Variants in ANK3 observed in about 807,000 individuals in gnomAD.
ANK3 encodes ankyrin-3.
In ANK3, 57 loss-of-function variants were observed where a neutral mutation model predicts 370.9. The observed-to-expected ratio is 0.15, with a 90% CI of 0.12 to 0.19. The LOEUF (loss-of-function observed/expected upper bound fraction) is 0.19, where lower values mean the gene tolerates loss of function less well. Among genes scored for constraint, ANK3 ranks in the 10% least tolerant of loss-of-function variants. The pLI is 1.00. For synonymous variants in ANK3, 1,929 were observed against 1,946.3 expected (o/e 0.99, Z 0.23); for missense variants, 4,439 against 5,302.1 (o/e 0.84, Z 5.06).
intron 28 of ANK3, among the ~76,000 whole-genome samples, chr10:60,089,816 T>C (rs558161612): frequency 6.6e-6 from 1 of 152,156 alleles, no homozygotes; most frequent in East Asian, 1.9e-4. Flanking sequence ...TGAATATATA[T>C]AAATCCACAT....
At chr10:60,294,160 T>G (rs189927593) in intron 1 of ANK3, among the ~76,000 whole-genome samples, 53 of 137,282 alleles carry the variant, frequency 3.9e-4, no homozygotes, top group Admixed American at 6.5e-4. Context: ...TTCCCAACAG[T>G]TTTTTTTTTA....
intron 2 of ANK3, among the ~76,000 whole-genome samples, chr10:60,423,692 A>G (rs1037393630): frequency 6.6e-6 from 1 of 152,038 alleles, no homozygotes; most frequent in Admixed American, 6.6e-5. Flanking sequence ...CTTAAATAAG[A>G]GCAAGTTGGT....
rs2079026322 is a variant in ANK3, at chr10:60,668,476, A to G, written c.58-53252T>C. 1.3e-5 allele frequency among the ~76,000 whole-genome samples: 2 copies of G among 152,030 alleles called. 1 individual carries two copies. The highest frequency in any genetic ancestry group is 4.8e-5 in the African/African-American group (2 of 41,302). ...GCTTTACAATATAAAGATCTGGCAG[A>G]CTGTTTTCACATCATTGGCATCGGG... On this transcript the variant is annotated intron_variant, in intron 1 of 43. Coordinates refer to the ANK3 transcript ENST00000373827.
At position 60,172,384 on chromosome 10, in the gene ANK3, C is replaced by G. The variant is rs540732328; in HGVS notation, c.2402G>C (p.Gly801Ala). Residue 801 changes from glycine to alanine, a missense_variant, in exon 21 of 44, where the codon GGC becomes GCC. Physicochemically the swap from Gly to Ala is moderately conservative, Grantham distance 60. Around this residue, in one of 13 missense-constraint regions of ANK3, gnomAD observed 702 missense variants for 941.5 expected, o/e 0.75. Transcript: ENST00000280772. ...GATGTAGCCGAGGCGCCGGGCAATG[C>G]CAAGGGCAGTATTCCCATTCTGGCA... is the stretch of plus-strand genomic sequence containing the variant. ...ELTVNGNTAL[G>A]IARRLGYISV... The G allele has an allele frequency of 2.5e-6, 4 of 1,613,976 alleles. No individual in the cohort carries two copies. In the African/African-American group the frequency reaches 4.0e-5, roughly 16 times the overall value.
chr10:60,159,536 A>T (rs997343596), intron 23 of ANK3, among the ~76,000 whole-genome samples: 1 of 152,144 alleles, frequency 6.6e-6, no homozygotes, highest in Non-Finnish European at 1.5e-5. Context: ...ACAAAGAAAC[A>T]CTGGACTTAA....
At position 60,055,747 on chromosome 10, in the gene ANK3, T is replaced by C. The variant is rs367772169; in HGVS notation, c.12976A>G (p.Met4326Val). Residue 4326 changes from methionine (M) to valine (V), a missense_variant, in exon 42 of 44, where the codon ATG becomes GTG. Coordinates refer to ENST00000280772, the MANE Select transcript of ANK3 (RefSeq NM_020987.5). ...EETKPCVPVS[M>V]KKMSRTSPAD... ...GGAGAAGTCCTACTCATCTTTTTCA[T>C]ACTGACAGGCACACAGGGTTTAGTC... 3 of 1,614,098 alleles carry C rather than the reference T, an allele frequency of 1.9e-6. No homozygotes were observed. Among genetic ancestry groups the C allele is most frequent in the South Asian group, 1.1e-5 (1 of 91,086 alleles).
chr10:60,611,566 T>C (rs553903938), intron 2 of ANK3, among the ~76,000 whole-genome samples: 1 of 152,236 alleles, frequency 6.6e-6, no homozygotes, highest in South Asian at 2.1e-4. Flanking sequence ...CATGAGTCAA[T>C]TCTGACAGTT....
intron 2 of ANK3, among the ~76,000 whole-genome samples, chr10:60,536,387 T>C (rs1310948345): frequency 6.6e-6 from 1 of 152,090 alleles, no homozygotes; most frequent in African/African-American, 2.4e-5. Flanking sequence ...GTAGTTACAA[T>C]GATGTAACAG....
chr10:60,623,627 C>T (rs2078368796), intron 1 of ANK3, among the ~76,000 whole-genome samples: 1 of 152,118 alleles, frequency 6.6e-6, no homozygotes, highest in African/African-American at 2.4e-5. Flanking sequence ...AGGAAAGTGA[C>T]AATGACTAAG....
At chr10:60,698,328 G>T (rs2079493086) in intron 1 of ANK3, among the ~76,000 whole-genome samples, 1 of 151,332 alleles carries the variant, frequency 6.6e-6, no homozygotes, top group Non-Finnish European at 1.5e-5. Context: ...TTCAACCATT[G>T]TGGAAGTCAG....
intron 23 of ANK3, among the ~76,000 whole-genome samples, chr10:60,158,234 T>G (rs1168406395): frequency 6.6e-6 from 1 of 152,118 alleles, no homozygotes; most frequent in Non-Finnish European, 1.5e-5. Flanking sequence ...AGGGAGTTCT[T>G]CAGTATGAAA....
intron 2 of ANK3, among the ~76,000 whole-genome samples, chr10:60,607,884 G>A (rs1179767749): frequency 6.6e-6 from 1 of 152,142 alleles, no homozygotes; most frequent in Non-Finnish European, 1.5e-5. Context: ...TATGGCTGAG[G>A]GAGAAACCTA....
intron 1 of ANK3, among the ~76,000 whole-genome samples, chr10:60,321,399 GAAGAAAAGAAAAGAAAAGAAAAGAA>G (rs71015788): frequency 6.9e-6 from 1 of 145,440 alleles, no homozygotes; most frequent in East Asian, 2.0e-4. Context: ...AAAGAGAAGA[GAAGAAAAGAAAAGAAAAGAAAAGAA>G]AAGAAAAGAA....
At chr10:60,198,953 C>T (rs1379419443) in intron 13 of ANK3, among the ~76,000 whole-genome samples, 6 of 152,166 alleles carry the variant, frequency 3.9e-5, no homozygotes, top group Admixed American at 3.9e-4. Context: ...GTTGGTTCTG[C>T]CTTCCCATAG....
intron 1 of ANK3, among the ~76,000 whole-genome samples, chr10:60,624,680 A>C (rs1156473172): frequency 1.3e-5 from 2 of 151,560 alleles, no homozygotes; most frequent in African/African-American, 4.9e-5. Context: ...ACCAACCAAC[A>C]CAAGAAACCC....
intron 1 of ANK3, among the ~76,000 whole-genome samples, chr10:60,367,920 G>A (rs995029253): frequency 1.3e-5 from 2 of 152,138 alleles, no homozygotes; most frequent in African/African-American, 2.4e-5. Flanking sequence ...TCAAGAGAAG[G>A]GGGAAAATCT....
intron 2 of ANK3, among the ~76,000 whole-genome samples, chr10:60,611,151 T>C (rs1247436935): frequency 1.3e-5 from 2 of 152,220 alleles, no homozygotes; most frequent in East Asian, 3.8e-4. Flanking sequence ...ACAGTAACAC[T>C]AGTCTCCTTA....
At chr10:60,576,618 T>C (rs2077685995) in intron 2 of ANK3, among the ~76,000 whole-genome samples, 1 of 152,238 alleles carries the variant, frequency 6.6e-6, no homozygotes, top group Non-Finnish European at 1.5e-5. Context: ...TAGGATGTCA[T>C]GCACTTACTG....
chr10:60,400,074 T>C (rs1299997014), intron 2 of ANK3, among the ~76,000 whole-genome samples: 1 of 151,302 alleles, frequency 6.6e-6, no homozygotes, highest in East Asian at 1.9e-4. Context: ...CACTAAAATC[T>C]AGTAAGATTT....
Sources: allele counts gnomAD v4.1 joint callset (sites outside exome capture counted in the v4.1 genomes callset), GRCh38; gene constraint gnomAD v4.1.1; regional missense constraint gnomAD v4.1.1; transcripts MANE v1.5; gene names NCBI Gene and HGNC (gene_info 2026-07-23, HGNC 2026-07-21).